Variants in TMEM178B observed in about 807,000 individuals in gnomAD.
The protein encoded by TMEM178B is transmembrane protein 178B.
A neutral mutation model predicts 31.0 loss-of-function variants in TMEM178B; 5 were observed. The observed-to-expected ratio is 0.16, with a 90% confidence interval of 0.08 to 0.34. The LOEUF is 0.34. TMEM178B is among the 10% of genes least tolerant of loss of function. TMEM178B has a pLI of 1.00. For synonymous variants in TMEM178B, 164 were observed against 164.0 expected, an observed-to-expected ratio of 1.00 and a Z score of 0.00; for missense variants, 275 against 400.3, an observed-to-expected ratio of 0.69 and a Z score of 2.67.
the TMEM178B span, among the ~76,000 whole-genome samples, chr7:141,507,355 A>C: frequency 1.3e-5 from 2 of 152,040 alleles, no homozygotes; most frequent in African/African-American, 4.8e-5. Context: ...ACATCTTCTG[A>C]AATCTAGGTT....
intron 3 of TMEM178B, among the ~76,000 whole-genome samples, chr7:141,442,505 A>G (rs1801679751): frequency 6.6e-6 from 1 of 152,208 alleles, no homozygotes; most frequent in African/African-American, 2.4e-5. Flanking sequence ...GTTTGTAATC[A>G]GGCTCATGCT....
intron 2 of TMEM178B, among the ~76,000 whole-genome samples, chr7:141,296,504 C>A (rs1440530132): frequency 6.6e-6 from 1 of 152,190 alleles, no homozygotes; most frequent in Non-Finnish European, 1.5e-5. Flanking sequence ...GAATAGACAA[C>A]AGTGCCTGCT....
Position 141,121,798 on chromosome 7 carries a change from C to T in TMEM178B, c.382+47106C>T, listed in dbSNP as rs913882815. On this transcript the variant is annotated intron_variant, in intron 1 of 3. Coordinates refer to ENST00000565468, the MANE Select transcript of TMEM178B (RefSeq NM_001195278.2). The stretch of plus-strand genomic sequence containing the variant: ...ATGAACCTGGTATCATTGTCTTAGG[C>T]TTTCCTTGGGTCTCTGGAGATGAAT... Among the ~76,000 whole-genome samples the T allele has an allele frequency of 3.3e-5, 5 of 152,280 alleles. No homozygotes were observed. In the East Asian group the frequency reaches 9.6e-4, roughly 29 times the overall value.
At chr7:141,174,755 G>T (rs1231554789) in intron 1 of TMEM178B, among the ~76,000 whole-genome samples, 1 of 152,166 alleles carries the variant, frequency 6.6e-6, no homozygotes, top group East Asian at 1.9e-4. Context: ...CCACATAAAT[G>T]TCTTCTTTTG....
chr7:141,147,882 T>G (rs1795880844), intron 1 of TMEM178B, among the ~76,000 whole-genome samples: 1 of 152,112 alleles, frequency 6.6e-6, no homozygotes, highest in Non-Finnish European at 1.5e-5. Context: ...CAATTGAAGC[T>G]AGGGATGAAG....
At chr7:141,510,177 AG>A in the TMEM178B span, among the ~76,000 whole-genome samples, 19 of 152,342 alleles carry the variant, frequency 1.2e-4, no homozygotes, top group Non-Finnish European at 2.4e-4. Context: ...ATGTGGTGAC[AG>A]GGTTGGGCCC....
intron 1 of TMEM178B, among the ~76,000 whole-genome samples, chr7:141,184,246 C>T (rs960768756): frequency 2.6e-5 from 4 of 152,126 alleles, no homozygotes; most frequent in African/African-American, 9.7e-5. Flanking sequence ...GGTATTTGTT[C>T]ACTGGATTTT....
the TMEM178B span, among the ~76,000 whole-genome samples, chr7:141,494,743 C>T: frequency 0.012 from 1,767 of 152,072 alleles, 43 homozygotes; most frequent in African/African-American, 0.041. Flanking sequence ...GTCTCTAAGA[C>T]AAACAAACAA....
At chr7:141,343,167 C>T (rs1799548603) in intron 2 of TMEM178B, among the ~76,000 whole-genome samples, 1 of 152,222 alleles carries the variant, frequency 6.6e-6, no homozygotes, top group African/African-American at 2.4e-5. Flanking sequence ...CTAGACTTCA[C>T]TCACATCTCT....
chr7:141,250,703 C>T (rs983422346), intron 2 of TMEM178B, among the ~76,000 whole-genome samples: 3 of 152,166 alleles, frequency 2.0e-5, no homozygotes, highest in Non-Finnish European at 2.9e-5. Flanking sequence ...CACCTGGCCA[C>T]GTGTGGTTCT....
intron 2 of TMEM178B, among the ~76,000 whole-genome samples, chr7:141,269,095 T>G (rs919521950): frequency 2.4e-5 from 3 of 123,012 alleles, no homozygotes; most frequent in Admixed American, 8.0e-5. Context: ...TAATTTTTTT[T>G]CTTTTTTTTT....
intron 1 of TMEM178B, among the ~76,000 whole-genome samples, chr7:141,162,340 CCT>C (rs1353771426): frequency 6.6e-6 from 1 of 152,226 alleles, no homozygotes; most frequent in African/African-American, 2.4e-5. Context: ...CCTTTGACCC[CCT>C]GTCTGCTCAT....
chr7:141,173,557 G>A (rs140045851), intron 1 of TMEM178B, among the ~76,000 whole-genome samples: 37 of 152,278 alleles, frequency 2.4e-4, no homozygotes, highest in African/African-American at 7.7e-4. Flanking sequence ...TCTCACATGA[G>A]AAACTTGCAA....
At chr7:141,129,677 G>A (rs1795562790) in intron 1 of TMEM178B, among the ~76,000 whole-genome samples, 3 of 152,196 alleles carry the variant, frequency 2.0e-5, no homozygotes, top group Admixed American at 1.3e-4. Context: ...TGAGCCAAAT[G>A]TGAGTGACCA....
chr7:141,428,345 G>C (rs1393024178), intron 2 of TMEM178B, among the ~76,000 whole-genome samples: 1 of 131,248 alleles, frequency 7.6e-6, no homozygotes, highest in East Asian at 2.2e-4. Flanking sequence ...TCCAGCCTGG[G>C]CAACAAAAGC....
At chr7:141,222,549 T>C (rs1041892784) in intron 2 of TMEM178B, among the ~76,000 whole-genome samples, 2 of 152,222 alleles carry the variant, frequency 1.3e-5, no homozygotes, top group African/African-American at 4.8e-5. Flanking sequence ...TTGCAAAGTC[T>C]GATGCCAGCC....
At chr7:141,492,682 G>A in the TMEM178B span, among the ~76,000 whole-genome samples, 1 of 152,114 alleles carries the variant, frequency 6.6e-6, no homozygotes, top group Non-Finnish European at 1.5e-5. Flanking sequence ...TTCCACCTTC[G>A]TTTCATTTTT....
intron 2 of TMEM178B, among the ~76,000 whole-genome samples, chr7:141,357,842 T>C (rs1799848104): frequency 6.6e-6 from 1 of 152,202 alleles, no homozygotes; most frequent in African/African-American, 2.4e-5. Context: ...GTATTCTATT[T>C]TGTACATGTG....
the TMEM178B span, among the ~76,000 whole-genome samples, chr7:141,510,152 C>G: frequency 1.3e-5 from 2 of 152,184 alleles, no homozygotes; most frequent in Non-Finnish European, 2.9e-5. Context: ...CTGCTAGACA[C>G]TGTAGGTCAA....
Sources: gnomAD v4.1 joint callset for allele counts (sites outside exome capture counted in the v4.1 genomes callset) on GRCh38, gnomAD v4.1.1 for gene constraint, MANE v1.5 for transcripts, NCBI Gene and HGNC (gene_info 2026-07-23, HGNC 2026-07-21) for gene names.